Variants in ARHGAP24 observed in about 807,000 individuals in gnomAD.
The protein encoded by ARHGAP24 is Rho GTPase activating protein 24.
A neutral mutation model predicts 76.4 loss-of-function variants in ARHGAP24; 50 were observed. The observed-to-expected ratio is 0.65, with a 90% CI of 0.52 to 0.83. The LOEUF (loss-of-function observed/expected upper bound fraction) is 0.83. Ranked by LOEUF, ARHGAP24 falls within the 40% of genes least tolerant of loss-of-function variation. The pLI is 0.00. For synonymous variants in ARHGAP24, 345 were observed against 323.3 expected (o/e 1.07, Z -0.72); for missense variants, 930 against 914.2 (o/e 1.02, Z -0.22).
chr4:85,494,724 GAAATA>G (rs952266950), intron 1 of ARHGAP24, among the ~76,000 whole-genome samples: 2 of 151,782 alleles, frequency 1.3e-5, no homozygotes, highest in Non-Finnish European at 2.9e-5. Context: ...TGTCATGTAG[GAAATA>G]AAATAACAGA....
intron 3 of ARHGAP24, among the ~76,000 whole-genome samples, chr4:85,914,099 C>G (rs1042433067): frequency 6.6e-6 from 1 of 152,186 alleles, no homozygotes; most frequent in Non-Finnish European, 1.5e-5. Flanking sequence ...ATGACATGTC[C>G]TTGCAGAACT....
At chr4:85,714,266 G>GT (rs1389065026) in intron 2 of ARHGAP24, among the ~76,000 whole-genome samples, 2 of 152,214 alleles carry the variant, frequency 1.3e-5, no homozygotes, top group African/African-American at 4.8e-5. Context: ...AGTGTTAAAC[G>GT]TTTTAAAATG....
intron 3 of ARHGAP24, among the ~76,000 whole-genome samples, chr4:85,831,176 A>C (rs1729975730): frequency 6.6e-6 from 1 of 152,178 alleles, no homozygotes. Flanking sequence ...CATCATCATA[A>C]ATAATAAATA....
chr4:85,940,607 A>G (rs1300870248), intron 4 of ARHGAP24, among the ~76,000 whole-genome samples: 1 of 152,146 alleles, frequency 6.6e-6, no homozygotes, highest in Non-Finnish European at 1.5e-5. Context: ...GAGTTAGTGA[A>G]TAATGTTTGA....
intron 2 of ARHGAP24, among the ~76,000 whole-genome samples, chr4:85,704,493 G>T (rs994720434): frequency 6.6e-6 from 1 of 152,146 alleles, no homozygotes; most frequent in Non-Finnish European, 1.5e-5. Flanking sequence ...GGTAGTGATA[G>T]GAGAAGTTGG....
intron 2 of ARHGAP24, among the ~76,000 whole-genome samples, chr4:85,627,878 G>T (rs11727007): frequency 0.16 from 23,678 of 152,226 alleles, 2,290 homozygotes; most frequent in Non-Finnish European, 0.22. Flanking sequence ...CTCCGAGCCA[G>T]GTGCGGGATA....
intron 1 of ARHGAP24, among the ~76,000 whole-genome samples, chr4:85,495,587 G>C (rs1321383808): frequency 6.6e-6 from 1 of 151,744 alleles, no homozygotes; most frequent in Non-Finnish European, 1.5e-5. Flanking sequence ...CTCCTTACCT[G>C]GTGATCCGCC....
At position 85,733,795 on chromosome 4, in the gene ARHGAP24, G is replaced by A. The variant is rs947668772; in HGVS notation, c.268+11823G>A. Among the ~76,000 whole-genome samples the A allele has an allele frequency of 2.6e-5, 4 of 152,052 alleles. No individual in the cohort carries two copies. In the South Asian group the frequency reaches 8.3e-4, roughly 32 times the overall value. ...AAGGACATCAGTTGCATAGGATTAGGGCCACCCTCATCACCTCATTTTAAA... is the reference window on the plus strand; with the variant it reads ...AAGGACATCAGTTGCATAGGATTAGAGCCACCCTCATCACCTCATTTTAAA... On this transcript the variant is annotated intron_variant, in intron 3 of 9. Coordinates refer to ENST00000395184, the MANE Select transcript of ARHGAP24 (RefSeq NM_001025616.3).
At chr4:85,575,288 T>G (rs1727325188) in intron 2 of ARHGAP24, among the ~76,000 whole-genome samples, 1 of 152,228 alleles carries the variant, frequency 6.6e-6, no homozygotes, top group Non-Finnish European at 1.5e-5. Flanking sequence ...AGGAAGGTGA[T>G]GCATGCAGGC....
chr4:85,841,346 C>G (rs932279148), intron 3 of ARHGAP24, among the ~76,000 whole-genome samples: 1 of 152,114 alleles, frequency 6.6e-6, no homozygotes, highest in Non-Finnish European at 1.5e-5. Flanking sequence ...GCTGAAGAGC[C>G]CAGATTCAGG....
At chr4:85,652,099 C>G (rs1281872694) in intron 2 of ARHGAP24, among the ~76,000 whole-genome samples, 2 of 152,056 alleles carry the variant, frequency 1.3e-5, no homozygotes, top group Non-Finnish European at 2.9e-5. Flanking sequence ...AGACTTTATG[C>G]TGCATGCTTA....
chr4:85,483,870 C>T (rs1311071737), intron 1 of ARHGAP24, among the ~76,000 whole-genome samples: 2 of 152,176 alleles, frequency 1.3e-5, no homozygotes, highest in African/African-American at 4.8e-5. Flanking sequence ...CACCCAGGAC[C>T]AGCCACTGCC....
At chr4:85,864,704 T>C (rs1350063687) in intron 3 of ARHGAP24, among the ~76,000 whole-genome samples, 1 of 151,872 alleles carries the variant, frequency 6.6e-6, no homozygotes, top group Non-Finnish European at 1.5e-5. Flanking sequence ...GAAGAAAGCA[T>C]GTTCAGACCC....
chr4:85,982,373 T>TTTTTGTTTTGTTTTGTTTTG (rs6148555), intron 8 of ARHGAP24, among the ~76,000 whole-genome samples: 72,812 of 150,114 alleles, frequency 0.49, 18,332 homozygotes, highest in East Asian at 0.77. Flanking sequence ...AGATAAGTTG[T>TTTTTGTTTTGTTTTGTTTTG]TTTTGTTTTG....
chr4:85,954,571 G>T (rs926345970), intron 5 of ARHGAP24, among the ~76,000 whole-genome samples: 2 of 152,132 alleles, frequency 1.3e-5, no homozygotes, highest in African/African-American at 2.4e-5. Context: ...ATCCTTGCTC[G>T]TGCTCCCTTC....
chr4:85,580,656 G>A (rs937271642), intron 2 of ARHGAP24, among the ~76,000 whole-genome samples: 21 of 152,092 alleles, frequency 1.4e-4, no homozygotes, highest in African/African-American at 4.6e-4. Flanking sequence ...GCCTCAGCAC[G>A]TGACAAACTG....
chr4:85,543,603 C>A (rs1273498167), intron 1 of ARHGAP24, among the ~76,000 whole-genome samples: 1 of 152,092 alleles, frequency 6.6e-6, no homozygotes, highest in Non-Finnish European at 1.5e-5. Flanking sequence ...GCTTCTGAAT[C>A]TTAAATCAAG....
chr4:85,510,762 T>TTCC lies in ARHGAP24; in HGVS notation c.-21+35219_-21+35221dup, dbSNP rs781429058. On this transcript the variant is annotated intron_variant, in intron 1 of 9. Coordinates refer to ENST00000395184, the MANE Select transcript of ARHGAP24 (RefSeq NM_001025616.3). ...TTCATGGCAATAAGTCTTTAATACA[T>TTCC]TCCTCCTCCTCCTCCTCCCCCTCCT... 1.1e-4 allele frequency among the ~76,000 whole-genome samples: 16 copies of TTCC among 150,032 alleles called. No homozygotes were observed. In the East Asian group the frequency reaches 2.8e-3, roughly 26 times the overall value.
intron 3 of ARHGAP24, among the ~76,000 whole-genome samples, chr4:85,905,245 GAA>G (rs1691668246): frequency 6.6e-6 from 1 of 152,118 alleles, no homozygotes; most frequent in African/African-American, 2.4e-5. Context: ...AGAGGAGAAA[GAA>G]GGGTGAGAGA....
Sources: allele counts gnomAD v4.1 joint callset (sites outside exome capture counted in the v4.1 genomes callset), GRCh38; gene constraint gnomAD v4.1.1; transcripts MANE v1.5; gene names NCBI Gene and HGNC (gene_info 2026-07-23, HGNC 2026-07-21).